Variants in SMARCA4 observed in about 807,000 individuals in gnomAD.
SMARCA4 encodes SWI/SNF-related matrix-associated actin-dependent regulator of chromatin subfamily A member 4.
SMARCA4 carries 31 observed loss-of-function variants against 193.9 expected under a neutral mutation model. The observed-to-expected ratio is 0.16, with a 90% CI of 0.12 to 0.22. The LOEUF (loss-of-function observed/expected upper bound fraction) is 0.22, where lower values mean the gene tolerates loss of function less well. Ranked by LOEUF, SMARCA4 falls within the 10% of genes least tolerant of loss-of-function variation. The pLI is 1.00. For synonymous variants in SMARCA4, 942 were observed against 933.1 expected (o/e 1.01, Z -0.17); for missense variants, 1,148 against 2,296.0 (o/e 0.50, Z 10.22).
chr19:11,027,128 C>T (rs1240512902), intron 23 of SMARCA4, among the ~76,000 whole-genome samples: 1 of 152,296 alleles, frequency 6.6e-6, no homozygotes, highest in South Asian at 2.1e-4. Context: ...CATTCAATTC[C>T]CCTGGGGTAG....
chr19:11,016,200 A>G (rs2089343530), intron 16 of SMARCA4, among the ~76,000 whole-genome samples: 1 of 151,924 alleles, frequency 6.6e-6, no homozygotes, highest in African/African-American at 2.4e-5. Flanking sequence ...CTCCCACGAG[A>G]GTTCAGAGAG....
chr19:10,966,130 C>T (rs896214818), intron 1 of SMARCA4, among the ~76,000 whole-genome samples: 7 of 151,644 alleles, frequency 4.6e-5, no homozygotes, highest in African/African-American at 9.7e-5. Context: ...TTACAGGTGC[C>T]CGCCACCATG....
Position 11,061,927 on chromosome 19 carries a change from G to A in SMARCA4, c.*111G>A, listed in dbSNP as rs1279361548. The A allele has an allele frequency of 2.9e-6, 3 of 1,024,380 alleles. No individual in the cohort carries two copies. Among genetic ancestry groups the A allele is most frequent in the Non-Finnish European group, 3.1e-6 (2 of 648,336 alleles). The allele number at this position is 1,024,380 out of a possible 1,614,324, so 63.5% of individuals were successfully genotyped here. A position where few individuals can be genotyped will look rare whatever the true frequency, so the allele number is the denominator to read the frequency against. Reference sequence around the variant, plus strand: ...GTAGTTTCAGACTTGGAGTAAAACTGTATAAACAAAAGAATCTTCCATATT... The same window carrying A: ...GTAGTTTCAGACTTGGAGTAAAACTATATAAACAAAAGAATCTTCCATATT... On this transcript the variant is annotated 3_prime_UTR_variant, in exon 35 of 35. Coordinates refer to ENST00000344626, the MANE Select transcript of SMARCA4 (RefSeq NM_003072.5).
At chr19:10,992,507 C>G (rs1179183292) in intron 8 of SMARCA4, among the ~76,000 whole-genome samples, 1 of 151,448 alleles carries the variant, frequency 6.6e-6, no homozygotes, top group Non-Finnish European at 1.5e-5. Context: ...TCACTGCAAC[C>G]TCTGCCTCCT....
In SMARCA4 at chr19:11,027,901, C is replaced by T. The variant is rs1424546209; in HGVS notation, c.3333C>T (p.Ile1111=). Reference sequence around the variant, plus strand: ...GCCAAATGACCTCCCTCATGACCATCATGGAAGATTACTTTGCGTATCGCG... The same window carrying T: ...GCCAAATGACCTCCCTCATGACCATTATGGAAGATTACTTTGCGTATCGCG... ...LFCQMTSLMT[I]MEDYFAYRGF... is the part of the protein sequence containing the mutation. Residue 1111 remains isoleucine, a synonymous_variant, in exon 24 of 35, where the codon ATC becomes ATT. Transcript: ENST00000344626. The T allele has an allele frequency of 2.5e-6, 4 of 1,614,194 alleles. No homozygotes were observed. The highest frequency in any genetic ancestry group is 3.4e-6 in the Non-Finnish European group (4 of 1,180,024).
chr19:11,037,822 G>A (rs1025823299), intron 29 of SMARCA4, among the ~76,000 whole-genome samples: 2 of 152,010 alleles, frequency 1.3e-5, no homozygotes, highest in African/African-American at 4.8e-5. Flanking sequence ...GTGAGGTAGG[G>A]GTCCATCTTC....
rs2074861425 is a variant in SMARCA4, at chr19:11,030,642, T to C, written c.3383-88T>C. 4.0e-6 allele frequency: 5 copies of C among 1,236,302 alleles called. No individual in the cohort carries two copies. Among genetic ancestry groups the C allele is most frequent in the Non-Finnish European group, 5.8e-6 (5 of 867,472 alleles). 76.6% of individuals were successfully genotyped at this position (1,236,302 alleles called of 1,614,324 possible). The stretch of plus-strand genomic sequence containing the variant: ...GGATGCTGGCAGGTGCTGATCCTGC[T>C]CCTGCTCTCAGAAGCAGGTGTTCCT... On this transcript the variant is annotated intron_variant, in intron 24 of 34. Coordinates refer to ENST00000344626, the MANE Select transcript of SMARCA4 (RefSeq NM_003072.5). The surrounding 1 kb of genome is among the most constrained non-coding windows in gnomAD (Gnocchi z 5.5).
Position 10,991,229 on chromosome 19 carries a change from G to A in SMARCA4, c.1325G>A (p.Ser442Asn), listed in dbSNP as rs771446534. 1 of 1,613,674 alleles carries A rather than the reference G, an allele frequency of 6.2e-7. No individual in the cohort carries two copies. Among genetic ancestry groups the A allele is most frequent in the Non-Finnish European group, 8.5e-7 (1 of 1,179,986 alleles). ...TALNAKAYKR[S>N]KRQSLREARI... is the part of the protein sequence containing the mutation. ...CTCAATGCTAAGGCCTACAAGCGCA[G>A]CAAGCGCCAGTCCCTGCGCGAGGCC... Residue 442 changes from serine to asparagine, a missense_variant, in exon 8 of 35, where the codon AGC (serine) becomes AAC (asparagine). Transcript: ENST00000344626.
chr19:11,002,864 T>C (rs1031210916), intron 11 of SMARCA4, among the ~76,000 whole-genome samples, 165 bp from the exon 12 acceptor site: 2 of 152,092 alleles, frequency 1.3e-5, no homozygotes, highest in African/African-American at 4.8e-5. Flanking sequence ...TATATATTTT[T>C]ACTGGATTAC....
chr19:10,996,622 T>C, intron 11 of SMARCA4, 78 bp downstream of exon 11: 1 of 1,363,000 alleles, frequency 7.3e-7, no homozygotes, highest in Non-Finnish European at 1.1e-6. Flanking sequence ...AAAACCTGTG[T>C]TCTTTTAAAA....
intron 30 of SMARCA4, among the ~76,000 whole-genome samples, chr19:11,051,464 C>G (rs929491829): frequency 1.3e-5 from 2 of 150,938 alleles, no homozygotes; most frequent in African/African-American, 4.9e-5. Context: ...CGCAGTCGTC[C>G]GAGGGAACAC....
At chr19:10,989,561 G>T in intron 7 of SMARCA4, 118 bp downstream of exon 7, 2 of 1,217,824 alleles carry the variant, frequency 1.6e-6, no homozygotes, top group Admixed American at 1.9e-5. Flanking sequence ...GTGAAAAGCA[G>T]CCGTGGCCAT....
chr19:11,061,204 AATATATATAT>A (rs55894159), intron 34 of SMARCA4, among the ~76,000 whole-genome samples: 10 of 45,226 alleles, frequency 2.2e-4, no homozygotes, highest in East Asian at 1.2e-3. Flanking sequence ...AAAAAAAAAA[AATATATATAT>A]ATATATATAT....
intron 30 of SMARCA4, among the ~76,000 whole-genome samples, chr19:11,042,270 T>C (rs555778159): frequency 3.9e-5 from 6 of 152,342 alleles, no homozygotes; most frequent in East Asian, 1.9e-4. Flanking sequence ...TTTACTAATA[T>C]CCTTTTCCGT....
Sources: allele counts gnomAD v4.1 joint callset (sites outside exome capture counted in the v4.1 genomes callset), GRCh38; gene constraint gnomAD v4.1.1; non-coding constraint Gnocchi (gnomAD v3.1); transcripts MANE v1.5; gene names NCBI Gene and HGNC (gene_info 2026-07-23, HGNC 2026-07-21).